STARD8: variants seen among roughly 807,000 people sequenced by gnomAD.
The protein encoded by STARD8 is stAR-related lipid transfer protein 8.
Under a neutral mutation model 69.4 loss-of-function variants are expected in STARD8, and 25 were observed. The observed-to-expected ratio is 0.36, with a 90% CI of 0.26 to 0.50. STARD8 has a LOEUF of 0.50. Ranked by LOEUF, STARD8 falls within the 20% of genes least tolerant of loss-of-function variation. The pLI, the probability that STARD8 is intolerant of heterozygous loss-of-function variation, is 0.96. For missense variants in STARD8, 921 were observed against 932.5 expected (o/e 0.99, Z 0.16); for synonymous variants, 389 against 374.6 (o/e 1.04, Z -0.45).
At chrX:68,655,872 C>T (rs191264654) in intron 1 of STARD8, among the ~76,000 whole-genome samples, 124 of 111,862 alleles carry the variant, frequency 1.1e-3, no homozygotes, top group African/African-American at 4.0e-3. Context: ...GAGATGATGT[C>T]TGTAAAAGCC....
chrX:68,697,259 C>T (rs1245760174), intron 2 of STARD8, among the ~76,000 whole-genome samples: 1 of 111,807 alleles, frequency 8.9e-6, no homozygotes, highest in African/African-American at 3.3e-5. Flanking sequence ...GTCCATTCTG[C>T]CCTGGGAAAT....
intron 2 of STARD8, among the ~76,000 whole-genome samples, chrX:68,668,061 CTT>C (rs1308447161): frequency 3.9e-5 from 2 of 50,764 alleles, no homozygotes; most frequent in African/African-American, 8.3e-5. Context: ...TCTTTCTTTT[CTT>C]TCTTTCTTTC....
chrX:68,672,056 T>C (rs1441039892), intron 2 of STARD8, among the ~76,000 whole-genome samples: 1 of 112,042 alleles, frequency 8.9e-6, no homozygotes, highest in Admixed American at 9.4e-5. Context: ...CAATTTTCCC[T>C]TTTTTACCTT....
intron 2 of STARD8, among the ~76,000 whole-genome samples, chrX:68,687,411 C>T (rs1055707449): frequency 2.0e-4 from 22 of 111,969 alleles, no homozygotes; most frequent in African/African-American, 7.2e-4. Flanking sequence ...CACTCTCTCT[C>T]GAGACTCGAA....
rs368040947 is a variant in STARD8 at position 68,717,297 on chromosome X, G to A, written c.383G>A (p.Gly128Glu). 1.2e-5 allele frequency: 14 copies of A among 1,203,882 alleles called. No homozygotes were observed. The highest frequency in any genetic ancestry group is 2.3e-4 in the Middle Eastern group (1 of 4,362). The stretch of plus-strand genomic sequence containing the variant: ...GAAAGTAAGTGCTGGTCTCCTATGG[G>A]GTCCTCTGATCTGTTGGCCCCACCG... ...QQESKCWSPM[G>E]SSDLLAPPSP... Residue 128 changes from glycine (G) to glutamate (E), a missense_variant, in exon 6 of 15, where the codon GGG becomes GAG. Gly to Glu is a moderately conservative substitution (Grantham distance 98). Transcript: ENST00000374599.
At chrX:68,722,305 C>T in intron 11 of STARD8, 117 bp from the exon 12 acceptor site, 2 of 843,747 alleles carry the variant, frequency 2.4e-6, no homozygotes, top group Admixed American at 3.1e-5. Flanking sequence ...CACAATGTTT[C>T]TCATCTACCT....
chrX:68,694,893 C>T (rs1366632913), intron 2 of STARD8, among the ~76,000 whole-genome samples: 2 of 110,711 alleles, frequency 1.8e-5, no homozygotes, highest in African/African-American at 3.3e-5. Context: ...AGCCTGGGGC[C>T]CCAGAGGTTG....
At chrX:68,715,787 G>A (rs1057047324) in intron 4 of STARD8, among the ~76,000 whole-genome samples, 10 of 111,281 alleles carry the variant, frequency 9.0e-5, no homozygotes, top group Non-Finnish European at 3.8e-5. Flanking sequence ...CTCCCAGATC[G>A]ATCTAGATCC....
rs745705319 is a variant in STARD8 at position 68,724,448 on chromosome X, C to A, written c.*26C>A. 5.2e-6 allele frequency: 6 copies of A among 1,144,837 alleles called. No homozygotes were observed. The highest frequency in any genetic ancestry group is 3.8e-5 in the South Asian group (2 of 53,163). The allele number at this position is 1,144,837 out of a possible 1,213,427, so 94.3% of individuals were successfully genotyped here. On this transcript the variant is annotated 3_prime_UTR_variant, in exon 15 of 15. Coordinates refer to ENST00000374599, the MANE Select transcript of STARD8 (RefSeq NM_001142503.3). ...GCCTTGGGCTGGTCCCAGGGTGGCA[C>A]CACCCAGGCCCCCTGGGCACCAAGG...
chrX:68,721,065 C>A lies in STARD8; in HGVS notation c.2191C>A (p.Leu731Met). 8.3e-7 allele frequency: 1 copy of A among 1,212,062 alleles called. No homozygotes were observed. Among genetic ancestry groups the A allele is most frequent in the Non-Finnish European group, 1.1e-6 (1 of 895,624 alleles). The change falls in exon 9 of 15, where the codon CTG (leucine) becomes ATG (methionine). Residue 731 changes from leucine (L) to methionine (M), a missense_variant. Transcript: ENST00000374599. ...ADLLKQYFRD[L>M]PEPIFTSKLT... is the part of the protein sequence containing the mutation. ...CCTGCTAAAGCAGTATTTCCGGGAC[C>A]TGCCTGAGCCCATCTTCACCAGCAA...
chrX:68,688,354 C>T (rs2079848911), intron 2 of STARD8, among the ~76,000 whole-genome samples: 1 of 111,109 alleles, frequency 9.0e-6, no homozygotes, highest in East Asian at 2.9e-4. Context: ...TTGTCAAGCC[C>T]TAGAGACCCC....
chrX:68,692,150 T>C (rs1168377133), intron 2 of STARD8, among the ~76,000 whole-genome samples: 1 of 112,051 alleles, frequency 8.9e-6, no homozygotes, highest in Non-Finnish European at 1.9e-5. Context: ...AAGGAGGTCA[T>C]ATCCCTTCCC....
intron 2 of STARD8, chrX:68,693,539 T>C: frequency 1.6e-6 from 1 of 608,688 alleles, no homozygotes; most frequent in African/African-American, 2.4e-5. Context: ...TTTGGGTGAC[T>C]TTCTGGCGAG....
chrX:68,649,948 A>G (rs891703799), intron 1 of STARD8, among the ~76,000 whole-genome samples: 32 of 111,235 alleles, frequency 2.9e-4, no homozygotes, highest in African/African-American at 9.8e-4. Flanking sequence ...GGATGGAATG[A>G]TAATGACGAG....
intron 2 of STARD8, among the ~76,000 whole-genome samples, chrX:68,674,050 T>G (rs896154040): frequency 9.0e-6 from 1 of 111,326 alleles, no homozygotes; most frequent in African/African-American, 3.3e-5. Flanking sequence ...TCCCAGCACT[T>G]TGGGAGGCCA....
At chrX:68,651,996 C>T (rs1235424043) in intron 1 of STARD8, among the ~76,000 whole-genome samples, 2 of 107,627 alleles carry the variant, frequency 1.9e-5, no homozygotes, top group Admixed American at 1.0e-4. Flanking sequence ...TACAGGCGCC[C>T]GCCACCACGC....
At chrX:68,721,486 A>T (rs2080147980) in intron 9 of STARD8, 50 bp from the exon 10 acceptor site, 2 of 1,172,632 alleles carry the variant, frequency 1.7e-6, no homozygotes, top group African/African-American at 3.5e-5. Context: ...GCTGGCTGCT[A>T]AGGCCTCTGG....
intron 2 of STARD8, among the ~76,000 whole-genome samples, chrX:68,675,730 G>A (rs1398407359): frequency 1.8e-5 from 2 of 111,559 alleles, no homozygotes; most frequent in African/African-American, 6.5e-5. Flanking sequence ...CAGTACGCAG[G>A]CCAGAGGGGA....
intron 1 of STARD8, among the ~76,000 whole-genome samples, chrX:68,652,598 C>T (rs2079554808): frequency 9.0e-6 from 1 of 111,113 alleles, no homozygotes; most frequent in Admixed American, 9.6e-5. Flanking sequence ...CATCCATGGC[C>T]CCTTGGTACA....
Sources: gnomAD v4.1 joint callset for allele counts (sites outside exome capture counted in the v4.1 genomes callset) on GRCh38, gnomAD v4.1.1 for gene constraint, MANE v1.5 for transcripts, NCBI Gene and HGNC (gene_info 2026-07-23, HGNC 2026-07-21) for gene names.